The following DRAM1 variants were observed in gnomAD, a reference collection of about 807,000 sequenced individuals.
DRAM1 encodes the protein DNA damage regulated autophagy modulator 1.
Under a neutral mutation model 28.5 loss-of-function variants are expected in DRAM1, and 25 were observed. The observed-to-expected ratio is 0.88, with a 90% CI of 0.64 to 1.23. The LOEUF is 1.23. Ranked by LOEUF, DRAM1 falls within the 50% of genes most tolerant of loss-of-function variation. DRAM1 has a pLI of 0.00. For synonymous variants in DRAM1, 113 were observed against 114.2 expected (o/e 0.99, Z 0.07); for missense variants, 249 against 299.2 (o/e 0.83, Z 1.24).
chr12:101,914,790 TG>T (rs1490184568), intron 5 of DRAM1, among the ~76,000 whole-genome samples: 1 of 152,112 alleles, frequency 6.6e-6, no homozygotes, highest in Non-Finnish European at 1.5e-5. Flanking sequence ...CCCGAGTAGC[TG>T]GGACCACAGG....
At chr12:101,890,316 G>A (rs751840176) in intron 1 of DRAM1, 5 of 261,424 alleles carry the variant, frequency 1.9e-5, no homozygotes, top group Admixed American at 1.0e-4. Context: ...CTGACCTCAG[G>A]TGATCTGCCT....
At chr12:101,883,615 G>A (rs1223095336) in intron 1 of DRAM1, among the ~76,000 whole-genome samples, 2 of 147,972 alleles carry the variant, frequency 1.4e-5, no homozygotes, top group East Asian at 4.4e-4. Context: ...CGCCCCGCAT[G>A]AATGTTTCCT....
At chr12:101,909,862 T>A (rs1322380016) in intron 4 of DRAM1, among the ~76,000 whole-genome samples, 1 of 152,196 alleles carries the variant, frequency 6.6e-6, no homozygotes, top group African/African-American at 2.4e-5. Flanking sequence ...TCTTTCAAAA[T>A]ACCATCTGTA....
Position 101,895,860 on chromosome 12 carries a change from G to A in DRAM1, c.132-2003G>A, listed in dbSNP as rs567778252. On this transcript the variant is annotated intron_variant, in intron 1 of 6. Coordinates refer to ENST00000258534, the MANE Select transcript of DRAM1 (RefSeq NM_018370.3). The stretch of plus-strand genomic sequence containing the variant: ...GCTGGGATTACAGGTGTGAACCACC[G>A]CGCCTGGTCGTAAGGGAGGCTATTA... 4.2e-3 allele frequency among the ~76,000 whole-genome samples: 645 copies of A among 151,930 alleles called. 5 individuals are homozygous for A. The highest frequency in any genetic ancestry group is 0.014 in the African/African-American group (568 of 41,432).
chr12:101,920,273 T>C, intron 6 of DRAM1, 72 bp downstream of exon 6: 1 of 1,113,798 alleles, frequency 9.0e-7, no homozygotes, highest in Non-Finnish European at 1.3e-6. Flanking sequence ...AGAAGACATT[T>C]TGCATTTTTA....
chr12:101,884,155 A>C (rs566717610), intron 1 of DRAM1, among the ~76,000 whole-genome samples: 8 of 152,068 alleles, frequency 5.3e-5, no homozygotes, highest in Admixed American at 2.0e-4. Context: ...GGGAGGCTGA[A>C]GTGGGCTGAT....
In DRAM1 at chr12:101,918,772, G is replaced by T. The variant is rs185773074; in HGVS notation, c.580-1337G>T. On this transcript the variant is annotated intron_variant, in intron 5 of 6. Transcript: ENST00000258534. The stretch of plus-strand genomic sequence containing the variant: ...AAGGCATGGGGGTGTAGGGAGTTAG[G>T]GGTAGTTGCTCATTTCAGCAGAGCA... 1.3e-3 allele frequency among the ~76,000 whole-genome samples: 198 copies of T among 152,212 alleles called. 3 individuals carry two copies. In the Middle Eastern group the frequency reaches 0.031, roughly 24 times the overall value.
chr12:101,893,649 A>C (rs900575369), intron 1 of DRAM1, among the ~76,000 whole-genome samples: 20 of 152,218 alleles, frequency 1.3e-4, no homozygotes, highest in Non-Finnish European at 2.4e-4. Flanking sequence ...TACTTTGTAA[A>C]ATGGGGTTGA....
intron 3 of DRAM1, 121 bp from the exon 4 acceptor site, chr12:101,908,065 T>A: frequency 1.2e-6 from 1 of 821,406 alleles, no homozygotes; most frequent in South Asian, 2.1e-5. Flanking sequence ...ACAGCCACAT[T>A]TTCCAAGAAG....
At chr12:101,894,938 G>T (rs1873290129) in intron 1 of DRAM1, among the ~76,000 whole-genome samples, 2 of 152,124 alleles carry the variant, frequency 1.3e-5, no homozygotes, top group Admixed American at 1.3e-4. Flanking sequence ...GTCACCTGGT[G>T]CCTGCTTTTT....
chr12:101,883,655 CG>C (rs1433396052), intron 1 of DRAM1, among the ~76,000 whole-genome samples: 1 of 148,702 alleles, frequency 6.7e-6, no homozygotes, highest in Non-Finnish European at 1.5e-5. Context: ...AACATGAGGC[CG>C]GGCGCAGTGG....
intron 1 of DRAM1, among the ~76,000 whole-genome samples, chr12:101,894,703 G>A (rs7975309): frequency 0.51 from 78,011 of 151,946 alleles, 20,528 homozygotes; most frequent in East Asian, 0.63. Context: ...AGAGTCCCCA[G>A]GTCTGGTCTT....
intron 5 of DRAM1, among the ~76,000 whole-genome samples, chr12:101,919,529 A>G (rs912651965): frequency 6.6e-6 from 1 of 152,214 alleles, no homozygotes. Flanking sequence ...CCAAGAAGAT[A>G]TACAGTTAAC....
At chr12:101,887,499 G>A (rs2121028576) in intron 1 of DRAM1, among the ~76,000 whole-genome samples, 1 of 151,466 alleles carries the variant, frequency 6.6e-6, no homozygotes, top group South Asian at 2.1e-4. Context: ...TTTGTGGTAT[G>A]TATTCATTCA....
chr12:101,895,198 T>TTTG lies in DRAM1; in HGVS notation c.132-2663_132-2662insGTT, dbSNP rs1404559516. On this transcript the variant is annotated intron_variant, in intron 1 of 6. Coordinates refer to ENST00000258534, the MANE Select transcript of DRAM1 (RefSeq NM_018370.3). ...CGAAACCCTTCAGGTTTTTTTTTTT[T>TTTG]TTTTTTTTTTTTTTTTTTACCCAGG... Among the ~76,000 whole-genome samples, 57 of 128,834 alleles carry TTTG rather than the reference T, an allele frequency of 4.4e-4. 1 individual carries two copies. Among genetic ancestry groups the TTTG allele is most frequent in the Non-Finnish European group, 7.1e-4 (44 of 62,356 alleles). The allele number at this position is 128,834 out of a possible 152,430, so 84.5% of individuals were successfully genotyped here.
chr12:101,901,315 A>G lies in DRAM1; in HGVS notation c.224A>G (p.Tyr75Cys), dbSNP rs1328270540. The stretch of plus-strand genomic sequence containing the variant: ...GGTGCAGCCACGATGTATACAAGAT[A>G]CAAAATAGTACAGAAGCAAAATCAA... ...FLGAATMYTR[Y>C]KIVQKQNQTC... The change falls in exon 3 of 7, where the codon TAC becomes TGC. Residue 75 changes from tyrosine to cysteine, a missense_variant. Around this residue, in one of 3 missense-constraint regions of DRAM1, gnomAD observed 218 missense variants for 243.1 expected, o/e 0.90. Transcript: ENST00000258534. The G allele has an allele frequency of 1.2e-6, 2 of 1,614,188 alleles. No homozygotes were observed. The highest frequency in any genetic ancestry group is 1.7e-6 in the Non-Finnish European group (2 of 1,180,024).
rs762660825 is a variant in DRAM1 at position 101,901,384 on chromosome 12, T to C, written c.293T>C (p.Val98Ala). ...CCTGTTTTTAACTTGGTGTCTTTAG[T>C]GCTTGGATTGGTGGGATGTTTCGGA... is the stretch of plus-strand genomic sequence containing the variant. ...STPVFNLVSL[V>A]LGLVGCFGMG... Residue 98 changes from valine (V) to alanine (A), a missense_variant, in exon 3 of 7, where the codon GTG (valine) becomes GCG (alanine). By Grantham distance (64) the Val-to-Ala change is moderately conservative. Coordinates refer to ENST00000258534, the MANE Select transcript of DRAM1 (RefSeq NM_018370.3). 6.2e-6 allele frequency: 10 copies of C among 1,614,156 alleles called. No individual in the cohort carries two copies. The highest frequency in any genetic ancestry group is 7.6e-6 in the Non-Finnish European group (9 of 1,180,032).
chr12:101,894,390 TACAGGCATGAGCTACCAC>T (rs1341889990), intron 1 of DRAM1, among the ~76,000 whole-genome samples: 1 of 152,168 alleles, frequency 6.6e-6, no homozygotes, highest in Non-Finnish European at 1.5e-5. Context: ...GTGCTGGGAT[TACAGGCATGAGCTACCAC>T]ACCCGGCCAA....
At chr12:101,902,083 A>G (rs1379078770) in intron 3 of DRAM1, among the ~76,000 whole-genome samples, 1 of 152,142 alleles carries the variant, frequency 6.6e-6, no homozygotes, top group Non-Finnish European at 1.5e-5. Flanking sequence ...TGTGTTTACC[A>G]ATTCTACCAT....
Sources: gnomAD v4.1 joint callset for allele counts (sites outside exome capture counted in the v4.1 genomes callset) on GRCh38, gnomAD v4.1.1 for gene constraint, gnomAD v4.1.1 regional missense constraint, MANE v1.5 for transcripts, NCBI Gene and HGNC (gene_info 2026-07-23, HGNC 2026-07-21) for gene names.